CDK5RAP2: variants seen among roughly 807,000 people sequenced by gnomAD.
The protein encoded by CDK5RAP2 is CDK5 regulatory subunit-associated protein 2.
In CDK5RAP2, 147 loss-of-function variants were observed where a neutral mutation model predicts 232.9. The observed-to-expected ratio is 0.63, with a 90% CI of 0.55 to 0.72. The LOEUF (loss-of-function observed/expected upper bound fraction) is 0.72. Among genes scored for constraint, CDK5RAP2 ranks in the 30% least tolerant of loss-of-function variants. The pLI, the probability that CDK5RAP2 is intolerant of heterozygous loss-of-function variation, is 0.00. For missense variants in CDK5RAP2, 2,195 were observed against 2,231.5 expected, an observed-to-expected ratio of 0.98 and a Z score of 0.33; for synonymous variants, 833 against 833.7, an observed-to-expected ratio of 1.00 and a Z score of 0.01.
chr9:120,481,859 A>G (rs2038335247), intron 14 of CDK5RAP2, among the ~76,000 whole-genome samples: 2 of 152,194 alleles, frequency 1.3e-5, no homozygotes, highest in Non-Finnish European at 2.9e-5. Flanking sequence ...AATTCTACAT[A>G]TGTCCTGGAG....
chr9:120,462,029 A>G (rs1292900372), intron 18 of CDK5RAP2, among the ~76,000 whole-genome samples: 2 of 152,214 alleles, frequency 1.3e-5, no homozygotes, highest in Non-Finnish European at 2.9e-5. Flanking sequence ...TTCCTTTCAG[A>G]GGAACAACCT....
chr9:120,568,456 A>G (rs1247073626), intron 2 of CDK5RAP2, 68 bp from the exon 3 acceptor site: 2 of 1,084,898 alleles, frequency 1.8e-6, no homozygotes, highest in African/African-American at 3.1e-5. Context: ...ATTGGGGAAT[A>G]GAGCACAGAG....
chr9:120,395,510 C>A (rs1270888746), intron 35 of CDK5RAP2, among the ~76,000 whole-genome samples: 1 of 152,226 alleles, frequency 6.6e-6, no homozygotes, highest in East Asian at 1.9e-4. Context: ...CACGGCGGAG[C>A]CCTCTGAGCC....
chr9:120,521,639 TTTTTC>T, intron 11 of CDK5RAP2, among the ~76,000 whole-genome samples: 1 of 149,884 alleles, frequency 6.7e-6, no homozygotes, highest in Non-Finnish European at 1.5e-5. Flanking sequence ...ATTAAACCTC[TTTTTC>T]TTTTTTTTTT....
rs2043188745 is a variant in CDK5RAP2 at position 120,580,052 on chromosome 9, CG to C, written c.-75del. On this transcript the variant is annotated 5_prime_UTR_variant, in exon 1 of 38. Coordinates refer to ENST00000349780, the MANE Select transcript of CDK5RAP2 (RefSeq NM_018249.6). The stretch of plus-strand genomic sequence containing the variant: ...AGTACCCCCCGCGATAGCGACCCGC[CG>C]GGCTCCCCAGGTCCCCGCCCCCTCC... The C allele has an allele frequency of 2.0e-6, 2 of 977,618 alleles. No individual in the cohort carries two copies. The allele number at this position is 977,618 out of a possible 1,614,324, so 60.6% of individuals were successfully genotyped here.
chr9:120,561,345 A>G (rs2042457821), intron 3 of CDK5RAP2, among the ~76,000 whole-genome samples: 1 of 152,084 alleles, frequency 6.6e-6, no homozygotes, highest in Non-Finnish European at 1.5e-5. Flanking sequence ...CGCTCAGGCT[A>G]GAGTGCAGTG....
At chr9:120,438,947 TG>T (rs2035738248) in intron 24 of CDK5RAP2, among the ~76,000 whole-genome samples, 1 of 152,208 alleles carries the variant, frequency 6.6e-6, no homozygotes, top group Non-Finnish European at 1.5e-5. Flanking sequence ...TTCTCTAAGA[TG>T]ACCTTAAAGG....
chr9:120,530,329 C>G (rs1283503717), intron 7 of CDK5RAP2, among the ~76,000 whole-genome samples, 189 bp from the exon 8 acceptor site: 82 of 152,270 alleles, frequency 5.4e-4, no homozygotes, highest in Non-Finnish European at 4.4e-5. Context: ...GGTCCCCTGC[C>G]TGCCTCCAGC....
chr9:120,534,089 C>A (rs997623440), intron 7 of CDK5RAP2, among the ~76,000 whole-genome samples: 16 of 152,162 alleles, frequency 1.1e-4, no homozygotes, highest in Non-Finnish European at 2.9e-5. Context: ...CTGATCTTGT[C>A]ATTCCCTGAA....
chr9:120,526,151 G>C (rs140858015), intron 10 of CDK5RAP2, among the ~76,000 whole-genome samples: 1 of 152,232 alleles, frequency 6.6e-6, no homozygotes, highest in Non-Finnish European at 1.5e-5. Context: ...TCAACTCTCA[G>C]ACTCTTAACT....
At position 120,467,907 on chromosome 9, in the gene CDK5RAP2, G is replaced by A. The variant is rs1215935897; in HGVS notation, c.2059C>T (p.Gln687Ter). 1 of 1,614,140 alleles carries A rather than the reference G, an allele frequency of 6.2e-7. No homozygotes were observed. The highest frequency in any genetic ancestry group is 1.3e-5 in the African/African-American group (1 of 75,020). The change falls in exon 18 of 38, where the codon CAG becomes TAG. Residue 687 changes from glutamine (Q) to a stop codon, truncating the protein, a stop_gained. Coordinates refer to ENST00000349780, the MANE Select transcript of CDK5RAP2 (RefSeq NM_018249.6). LOFTEE classifies it high-confidence loss of function. ...AGTCTATCTGGAAACCCATTTCCCTGGAAACCCATGCAGGAGAGATCAAAA... is the reference window on the plus strand; with the variant it reads ...AGTCTATCTGGAAACCCATTTCCCTAGAAACCCATGCAGGAGAGATCAAAA... ...TIFDLSCMGF[Q>*]GNGFPDRLAS...
Position 120,392,295 on chromosome 9 carries a change from G to A in CDK5RAP2, c.5578+2217C>T, listed in dbSNP as rs146715171. Among the ~76,000 whole-genome samples the A allele has an allele frequency of 6.2e-4, 94 of 152,306 alleles. 1 individual carries two copies. The highest frequency in any genetic ancestry group is 2.0e-3 in the African/African-American group (82 of 41,576). Reference sequence around the variant, plus strand: ...TTAGTCTGAGTCCTTTGGAACTCACGTCTCCAGTTAGAGATGAGGAATCGA... The same window carrying A: ...TTAGTCTGAGTCCTTTGGAACTCACATCTCCAGTTAGAGATGAGGAATCGA... On this transcript the variant is annotated intron_variant, in intron 36 of 37. Coordinates refer to ENST00000349780, the MANE Select transcript of CDK5RAP2 (RefSeq NM_018249.6).
intron 3 of CDK5RAP2, among the ~76,000 whole-genome samples, chr9:120,566,794 G>A (rs930245615): frequency 6.6e-6 from 1 of 152,194 alleles, no homozygotes; most frequent in Non-Finnish European, 1.5e-5. Context: ...GACTGCCTCT[G>A]AGAACAATTT....
At chr9:120,451,361 T>A (rs1037366439) in intron 21 of CDK5RAP2, among the ~76,000 whole-genome samples, 1 of 152,220 alleles carries the variant, frequency 6.6e-6, no homozygotes, top group East Asian at 1.9e-4. Context: ...CCAGGCCGGA[T>A]GCAAACACAT....
At chr9:120,408,492 G>A (rs778026517) in intron 30 of CDK5RAP2, 24 bp from the exon 31 acceptor site, 2 of 1,613,818 alleles carry the variant, frequency 1.2e-6, no homozygotes, top group Non-Finnish European at 1.7e-6. Context: ...ACAGGCATGA[G>A]AAGGACAGGT....
In CDK5RAP2 at chr9:120,439,463, T is replaced by C; in HGVS notation, c.3658A>G (p.Asn1220Asp). The change falls in exon 24 of 38, where the codon AAC becomes GAC. Residue 1220 changes from asparagine to aspartate, a missense_variant. Asn to Asp is a conservative substitution (Grantham distance 23). Coordinates refer to ENST00000349780, the MANE Select transcript of CDK5RAP2 (RefSeq NM_018249.6). ...TGGATCTCACTGAAAAGTTGCATGT[T>C]CAAATTCTGCTCCTTCTGCAGCTTG... Reference protein sequence around the residue: ...EYKLQKEQNLNMQLFSEIHNL... With the variant: ...EYKLQKEQNLDMQLFSEIHNL... The C allele has an allele frequency of 6.2e-7, 1 of 1,614,192 alleles. No individual in the cohort carries two copies. Among genetic ancestry groups the C allele is most frequent in the Middle Eastern group, 1.6e-4 (1 of 6,062 alleles).
intron 4 of CDK5RAP2, among the ~76,000 whole-genome samples, chr9:120,548,532 G>T (rs1185750023): frequency 6.6e-6 from 1 of 152,200 alleles, no homozygotes; most frequent in Non-Finnish European, 1.5e-5. Context: ...GCATCTTAGT[G>T]CAATGGCTCA....
chr9:120,578,105 T>C (rs1023844726), intron 1 of CDK5RAP2, among the ~76,000 whole-genome samples: 1 of 151,986 alleles, frequency 6.6e-6, no homozygotes, highest in African/African-American at 2.4e-5. Context: ...CCGTCTCTAC[T>C]AAAATACAAA....
chr9:120,512,796 G>GA, intron 12 of CDK5RAP2, among the ~76,000 whole-genome samples: 1 of 152,284 alleles, frequency 6.6e-6, no homozygotes, highest in African/African-American at 2.4e-5. Context: ...TGTAAAATGG[G>GA]AAAAACATTT....
Sources: gnomAD v4.1 joint callset for allele counts (sites outside exome capture counted in the v4.1 genomes callset) on GRCh38, gnomAD v4.1.1 for gene constraint, MANE v1.5 for transcripts, NCBI Gene and HGNC (gene_info 2026-07-23, HGNC 2026-07-21) for gene names.